The following CD47 variants were observed in gnomAD, a reference collection of about 807,000 sequenced individuals.
CD47 encodes CD47 molecule.
CD47 carries 11 observed loss-of-function variants against 44.6 expected under a neutral mutation model. The ratio of observed to expected loss-of-function variants is 0.25; its 90% CI spans 0.16 to 0.41. The LOEUF is 0.41. Among genes scored for constraint, CD47 ranks in the 10% least tolerant of loss-of-function variants. CD47 has a pLI of 1.00. For synonymous variants in CD47, 140 were observed against 136.3 expected (o/e 1.03, Z -0.19); for missense variants, 306 against 386.7 (o/e 0.79, Z 1.75).
intron 2 of CD47, among the ~76,000 whole-genome samples, chr3:108,072,318 G>A (rs549327943): frequency 9.1e-4 from 138 of 152,242 alleles, no homozygotes; most frequent in African/African-American, 3.2e-3. Context: ...CAGGTCACAG[G>A]TGAGGAATTT....
intron 1 of CD47, among the ~76,000 whole-genome samples, 171 bp from the exon 2 acceptor site, chr3:108,080,515 T>A (rs2079396724): frequency 6.6e-6 from 1 of 151,894 alleles, no homozygotes; most frequent in African/African-American, 2.4e-5. Flanking sequence ...AATTATATTT[T>A]AATATTAACT....
At chr3:108,082,009 T>C (rs1233693233) in intron 1 of CD47, among the ~76,000 whole-genome samples, 1 of 151,982 alleles carries the variant, frequency 6.6e-6, no homozygotes, top group East Asian at 1.9e-4. Flanking sequence ...TTTAAAACTT[T>C]GGAATTGTGA....
chr3:108,083,414 C>T (rs959594578), intron 1 of CD47, among the ~76,000 whole-genome samples: 27 of 151,910 alleles, frequency 1.8e-4, no homozygotes, highest in African/African-American at 2.4e-5. Flanking sequence ...TTTAAAAATG[C>T]AATCAACATT....
chr3:108,090,753 C>T, intron 1 of CD47, 110 bp downstream of exon 1: 2 of 1,002,632 alleles, frequency 2.0e-6, no homozygotes, highest in Non-Finnish European at 2.7e-6. Flanking sequence ...GAGTGTTCTG[C>T]GCCCCGGCCA....
Position 108,044,374 on chromosome 3 carries a change from A to C in CD47, c.*2914T>G, listed in dbSNP as rs1320891596. ...ATGGACCTGGAGTTTCCAGGAGAAA[A>C]ATAATCACCTTTGAAGGTTTTTAGA... On this transcript the variant is annotated 3_prime_UTR_variant, in exon 11 of 11. Coordinates refer to ENST00000361309, the MANE Select transcript of CD47 (RefSeq NM_001777.4). 1 of 141,106 alleles carries C rather than the reference A, an allele frequency of 7.1e-6. No homozygotes were observed. The highest frequency in any genetic ancestry group is 1.5e-5 in the Non-Finnish European group (1 of 65,864). The allele number at this position is 141,106 out of a possible 1,614,324, so 8.7% of individuals were successfully genotyped here. A position where few individuals can be genotyped will look rare whatever the true frequency, so the allele number is the denominator to read the frequency against.
chr3:108,048,863 G>T (rs1176896011), intron 10 of CD47, among the ~76,000 whole-genome samples: 1 of 152,094 alleles, frequency 6.6e-6, no homozygotes, highest in Non-Finnish European at 1.5e-5. Flanking sequence ...TCAAAGGTAA[G>T]AAGACATTTT....
At chr3:108,058,793 T>C (rs2078961794) in intron 5 of CD47, among the ~76,000 whole-genome samples, 1 of 152,210 alleles carries the variant, frequency 6.6e-6, no homozygotes. Flanking sequence ...ATTATGCAAA[T>C]ACCTGACTGT....
chr3:108,058,362 C>A lies in CD47; in HGVS notation c.759G>T (p.Val253=), dbSNP rs11083. ...CCGCAATACAGAGACTCAGTCCAAC[C>A]ACAGCGAGGATATAGGCTATCACCT... ...VIQVIAYILA[V]VGLSLCIAAC... The change falls in exon 6 of 11, where the codon GTG becomes GTT. Residue 253 remains valine, a synonymous_variant. Coordinates refer to ENST00000361309, the MANE Select transcript of CD47 (RefSeq NM_001777.4). 2 of 1,563,682 alleles carry A rather than the reference C, an allele frequency of 1.3e-6. No individual in the cohort carries two copies. Among genetic ancestry groups the A allele is most frequent in the East Asian group, 2.3e-5 (1 of 43,122 alleles).
chr3:108,070,129 C>G (rs973387380), intron 3 of CD47, among the ~76,000 whole-genome samples: 1 of 152,074 alleles, frequency 6.6e-6, no homozygotes, highest in Non-Finnish European at 1.5e-5. Flanking sequence ...TGTTTATACA[C>G]CACCATAGAT....
intron 9 of CD47, among the ~76,000 whole-genome samples, chr3:108,050,262 T>A (rs1372227792): frequency 6.6e-6 from 1 of 152,042 alleles, no homozygotes; most frequent in Non-Finnish European, 1.5e-5. Context: ...GGACTGCAGA[T>A]ACACACCACC....
chr3:108,063,342 G>C (rs926266853), intron 3 of CD47, among the ~76,000 whole-genome samples: 1 of 152,142 alleles, frequency 6.6e-6, no homozygotes, highest in East Asian at 1.9e-4. Flanking sequence ...TGTCTCTGTG[G>C]GGTCTACTAA....
chr3:108,087,440 T>G (rs979290869), intron 1 of CD47, among the ~76,000 whole-genome samples: 2 of 152,186 alleles, frequency 1.3e-5, no homozygotes, highest in Admixed American at 6.5e-5. Context: ...TCCAGAATTA[T>G]GGCCTTAACA....
At chr3:108,076,374 T>G (rs2079311451) in intron 2 of CD47, among the ~76,000 whole-genome samples, 1 of 152,178 alleles carries the variant, frequency 6.6e-6, no homozygotes, top group African/African-American at 2.4e-5. Context: ...AAAAATAAAC[T>G]TTAAGTTTTC....
intron 3 of CD47, among the ~76,000 whole-genome samples, chr3:108,062,601 G>C (rs188190133): frequency 7.4e-4 from 112 of 151,698 alleles, no homozygotes; most frequent in African/African-American, 2.6e-3. Context: ...CATGGAAAAA[G>C]GTTGACTTAT....
chr3:108,064,827 A>T (rs542776472), intron 3 of CD47, among the ~76,000 whole-genome samples: 5 of 152,362 alleles, frequency 3.3e-5, no homozygotes, highest in African/African-American at 1.2e-4. Context: ...TAACTCTAGG[A>T]AAGTAATTTT....
In CD47 at chr3:108,059,549, C is replaced by T. The variant is rs1246919335; in HGVS notation, c.599-5G>A. The T allele has an allele frequency of 7.4e-7, 1 of 1,359,674 alleles. No homozygotes were observed. Among genetic ancestry groups the T allele is most frequent in the South Asian group, 1.4e-5 (1 of 73,290 alleles). The allele number at this position is 1,359,674 out of a possible 1,614,324, so 84.2% of individuals were successfully genotyped here. On this transcript the variant is annotated splice_polypyrimidine_tract_variant and splice_region_variant and intron_variant, in intron 4 of 10. Transcript: ENST00000361309. ...CATTCTTTAATGAATATTCACCTGT[C>T]AATAAATAAAAACATTTAAAATATT...
At chr3:108,050,121 CTTTT>C (rs1334109505) in intron 9 of CD47, among the ~76,000 whole-genome samples, 1 of 151,922 alleles carries the variant, frequency 6.6e-6, no homozygotes, top group Non-Finnish European at 1.5e-5. Context: ...ATTCATAATT[CTTTT>C]TTATTTTTTT....
intron 8 of CD47, 184 bp from the exon 9 acceptor site, chr3:108,050,786 G>A (rs758811870): frequency 8.1e-6 from 4 of 496,544 alleles, no homozygotes; most frequent in African/African-American, 5.9e-5. Context: ...TGCCAAGTCG[G>A]GTTAATAGTT....
rs1355459476 is a variant in CD47 at position 108,045,497 on chromosome 3, G to C, written c.*1791C>G. The C allele has an allele frequency of 6.6e-6, 1 of 152,214 alleles. No individual in the cohort carries two copies. The highest frequency in any genetic ancestry group is 1.5e-5 in the Non-Finnish European group (1 of 67,960). 9.4% of individuals were successfully genotyped at this position (152,214 alleles called of 1,614,324 possible). The stretch of plus-strand genomic sequence containing the variant: ...TTTGGACAGCTACACAATCAAGGAA[G>C]AATATACATGTGTGTATATACATAC... On this transcript the variant is annotated 3_prime_UTR_variant, in exon 11 of 11. Coordinates refer to ENST00000361309, the MANE Select transcript of CD47 (RefSeq NM_001777.4).
Sources: gnomAD v4.1 joint callset for allele counts (sites outside exome capture counted in the v4.1 genomes callset) on GRCh38, gnomAD v4.1.1 for gene constraint, MANE v1.5 for transcripts, NCBI Gene and HGNC (gene_info 2026-07-23, HGNC 2026-07-21) for gene names.